Variants in ARB2A observed in about 807,000 individuals in gnomAD.
ARB2A encodes cotranscriptional regulator ARB2A.
the ARB2A span, among the ~76,000 whole-genome samples, chr5:94,041,370 C>T: frequency 9.6e-3 from 1,455 of 152,116 alleles, 13 homozygotes; most frequent in Non-Finnish European, 0.014. Context: ...CTTGTAACCA[C>T]GTGGCCGTGC....
the ARB2A span, among the ~76,000 whole-genome samples, chr5:93,913,815 C>T: frequency 6.6e-6 from 1 of 151,794 alleles, no homozygotes; most frequent in African/African-American, 2.4e-5. Flanking sequence ...TATGCTAAAG[C>T]TAAATGTGAA....
At chr5:93,800,719 G>A in the ARB2A span, among the ~76,000 whole-genome samples, 1 of 152,058 alleles carries the variant, frequency 6.6e-6, no homozygotes, top group South Asian at 2.1e-4. Context: ...AAAAATAAAT[G>A]GAGCAAATCT....
chr5:94,103,354 G>C, the ARB2A span, among the ~76,000 whole-genome samples: 1 of 151,966 alleles, frequency 6.6e-6, no homozygotes, highest in African/African-American at 2.4e-5. Context: ...ACAAAAAAGA[G>C]ACAGATTGCT....
the ARB2A span, among the ~76,000 whole-genome samples, chr5:94,026,651 G>C: frequency 6.6e-6 from 1 of 152,180 alleles, no homozygotes; most frequent in African/African-American, 2.4e-5. Flanking sequence ...TAGGTGAAGG[G>C]TGGGGATCAA....
chr5:93,840,002 C>T, the ARB2A span, among the ~76,000 whole-genome samples: 29 of 152,180 alleles, frequency 1.9e-4, no homozygotes, highest in African/African-American at 7.0e-4. Flanking sequence ...TATGGTTTTT[C>T]ATGTCTCAAT....
the ARB2A span, among the ~76,000 whole-genome samples, chr5:93,852,210 G>A: frequency 3.3e-5 from 5 of 152,088 alleles, no homozygotes; most frequent in African/African-American, 4.8e-5. Context: ...GCCAGTGATG[G>A]TGAGCATTTT....
chr5:93,953,955 T>A, the ARB2A span, among the ~76,000 whole-genome samples: 38 of 151,996 alleles, frequency 2.5e-4, 1 homozygote, highest in African/African-American at 8.9e-4. Flanking sequence ...CAATATTCAC[T>A]CAGTATCCAA....
At chr5:93,855,942 G>A in the ARB2A span, among the ~76,000 whole-genome samples, 64 of 152,070 alleles carry the variant, frequency 4.2e-4, no homozygotes, top group African/African-American at 1.4e-3. Context: ...TTCCTCACCA[G>A]TAACGGAACA....
chr5:93,809,354 C>A, the ARB2A span, among the ~76,000 whole-genome samples: 1 of 151,836 alleles, frequency 6.6e-6, no homozygotes, highest in African/African-American at 2.4e-5. Context: ...ATGTAACAAA[C>A]CTGCACATGT....
At chr5:93,954,003 G>C in the ARB2A span, among the ~76,000 whole-genome samples, 1 of 152,086 alleles carries the variant, frequency 6.6e-6, no homozygotes, top group Non-Finnish European at 1.5e-5. Context: ...ACCAGTCCTA[G>C]GACTCTCCTG....
At chr5:93,702,171 C>T in the ARB2A span, among the ~76,000 whole-genome samples, 22 of 152,164 alleles carry the variant, frequency 1.4e-4, no homozygotes, top group South Asian at 2.1e-4. Flanking sequence ...CAGTAAAGAC[C>T]GTAACTTATA....
chr5:93,646,815 A>G, the ARB2A span, among the ~76,000 whole-genome samples: 1 of 151,932 alleles, frequency 6.6e-6, no homozygotes, highest in African/African-American at 2.4e-5. Context: ...CAGAAGTATT[A>G]TTAAGTTTAA....
At chr5:93,675,353 T>C in the ARB2A span, among the ~76,000 whole-genome samples, 1 of 152,302 alleles carries the variant, frequency 6.6e-6, no homozygotes, top group South Asian at 2.1e-4. Context: ...ATAGTGATAC[T>C]AATTAGAAGA....
chr5:93,813,228 C>T, the ARB2A span, among the ~76,000 whole-genome samples: 454 of 152,192 alleles, frequency 3.0e-3, 1 homozygote, highest in African/African-American at 0.01. Context: ...AACATGTTAC[C>T]GGACAATGGA....
chr5:94,068,021 C>T, the ARB2A span, among the ~76,000 whole-genome samples: 2 of 152,190 alleles, frequency 1.3e-5, no homozygotes, highest in African/African-American at 4.8e-5. Flanking sequence ...AATCCCAGCA[C>T]TTTGGGAGGC....
At chr5:93,804,845 A>C in the ARB2A span, 2 of 748,162 alleles carry the variant, frequency 2.7e-6, no homozygotes, top group Non-Finnish European at 3.3e-6. Context: ...ATTATTTTGA[A>C]AAATTTGAAA....
At chr5:93,777,418 G>A in the ARB2A span, among the ~76,000 whole-genome samples, 1 of 151,960 alleles carries the variant, frequency 6.6e-6, no homozygotes, top group African/African-American at 2.4e-5. Flanking sequence ...GTAAGGTAAC[G>A]ATTTACAATT....
At chr5:94,078,916 G>A in the ARB2A span, among the ~76,000 whole-genome samples, 1 of 151,984 alleles carries the variant, frequency 6.6e-6, no homozygotes. Flanking sequence ...AAATGTATAT[G>A]AAAGCATTTT....
chr5:94,003,583 C>G, the ARB2A span, among the ~76,000 whole-genome samples: 2 of 151,746 alleles, frequency 1.3e-5, no homozygotes, highest in East Asian at 3.9e-4. Context: ...ATAAAACACA[C>G]TGAATTTTAA....
Sources: gnomAD v4.1 joint callset for allele counts (sites outside exome capture counted in the v4.1 genomes callset) on GRCh38, gnomAD v4.1.1 for gene constraint, MANE v1.5 for transcripts, NCBI Gene and HGNC (gene_info 2026-07-23, HGNC 2026-07-21) for gene names.